PDZD2: variants seen among roughly 807,000 people sequenced by gnomAD.
PDZD2 encodes PDZ domain containing 2, also known as PDZ domain-containing protein 2.
PDZD2 carries 90 observed loss-of-function variants against 220.7 expected under a neutral mutation model. The observed-to-expected ratio is 0.41, with a 90% CI of 0.34 to 0.49. The LOEUF (loss-of-function observed/expected upper bound fraction) is 0.49, where lower values mean the gene tolerates loss of function less well. PDZD2 is among the 20% of genes least tolerant of loss of function. The pLI, the probability that PDZD2 is intolerant of heterozygous loss-of-function variation, is 0.28. For missense variants in PDZD2, 3,174 were observed against 3,608.5 expected, an observed-to-expected ratio of 0.88 and a Z score of 3.08; for synonymous variants, 1,375 against 1,450.5, an observed-to-expected ratio of 0.95 and a Z score of 1.18.
At chr5:31,702,482 G>A (rs763181405) in intron 1 of PDZD2, among the ~76,000 whole-genome samples, 8 of 152,174 alleles carry the variant, frequency 5.3e-5, no homozygotes, top group Admixed American at 1.3e-4. Flanking sequence ...ATGCATTGAC[G>A]ATGATGGATC....
chr5:31,770,907 A>G (rs1752303673), intron 1 of PDZD2, among the ~76,000 whole-genome samples: 1 of 150,174 alleles, frequency 6.7e-6, no homozygotes, highest in African/African-American at 2.4e-5. Context: ...TCTATTTTTC[A>G]TTTAAGTGCC....
At chr5:31,973,988 C>T (rs1749523135) in intron 2 of PDZD2, among the ~76,000 whole-genome samples, 1 of 152,126 alleles carries the variant, frequency 6.6e-6, no homozygotes, top group Non-Finnish European at 1.5e-5. Flanking sequence ...TGTTTTGTTT[C>T]ATTTTGTTTT....
At chr5:31,652,430 A>C (rs1263577943) in intron 1 of PDZD2, among the ~76,000 whole-genome samples, 1 of 152,218 alleles carries the variant, frequency 6.6e-6, no homozygotes, top group Non-Finnish European at 1.5e-5. Context: ...GGAAACTATG[A>C]AAGCTCAGCA....
At chr5:32,106,744 A>G (rs1744800615) in intron 24 of PDZD2, among the ~76,000 whole-genome samples, 1 of 152,214 alleles carries the variant, frequency 6.6e-6, no homozygotes, top group Non-Finnish European at 1.5e-5. Context: ...ATATGCTAGA[A>G]TAGGACATTG....
intron 24 of PDZD2, chr5:32,105,979 G>A (rs1744725999): frequency 6.6e-6 from 1 of 152,260 alleles, no homozygotes; most frequent in African/African-American, 2.4e-5. Context: ...TTGGCACCAG[G>A]GACTGGTTTT....
At chr5:32,071,242 A>T in intron 15 of PDZD2, 142 bp from the exon 16 acceptor site, 1 of 732,502 alleles carries the variant, frequency 1.4e-6, no homozygotes, top group South Asian at 1.6e-5. Flanking sequence ...ATGCACGTCT[A>T]ACCCTGTGCA....
intron 2 of PDZD2, among the ~76,000 whole-genome samples, chr5:31,896,490 T>G (rs1278824918): frequency 1.3e-5 from 2 of 152,196 alleles, no homozygotes; most frequent in African/African-American, 4.8e-5. Flanking sequence ...CAGATAGAAT[T>G]CATCCGCTCA....
chr5:31,914,236 A>G (rs1743469813), intron 2 of PDZD2, among the ~76,000 whole-genome samples: 1 of 152,238 alleles, frequency 6.6e-6, no homozygotes, highest in Non-Finnish European at 1.5e-5. Context: ...AGTCATACTC[A>G]AGATTCTGAT....
At chr5:31,710,830 A>G (rs1748062527) in intron 1 of PDZD2, among the ~76,000 whole-genome samples, 1 of 152,186 alleles carries the variant, frequency 6.6e-6, no homozygotes, top group African/African-American at 2.4e-5. Context: ...AAAAAAAAAA[A>G]AAAGAGTAGA....
intron 2 of PDZD2, chr5:31,840,684 T>C: frequency 1.3e-6 from 1 of 751,074 alleles, no homozygotes; most frequent in Admixed American, 1.8e-5. Flanking sequence ...CTTAGAGTGC[T>C]TAATGTGCTC....
At chr5:31,824,619 G>C (rs186960125) in intron 2 of PDZD2, among the ~76,000 whole-genome samples, 1 of 151,750 alleles carries the variant, frequency 6.6e-6, no homozygotes, top group Non-Finnish European at 1.5e-5. Flanking sequence ...GGGTGTTCAC[G>C]GCCGTGTGTG....
At chr5:31,980,750 T>C (rs1485021292) in intron 2 of PDZD2, among the ~76,000 whole-genome samples, 1 of 151,806 alleles carries the variant, frequency 6.6e-6, no homozygotes, top group African/African-American at 2.4e-5. Context: ...GAGAGACAGG[T>C]TCAATTTTTA....
In PDZD2 at chr5:32,088,086, G is replaced by A. The variant is rs768885417; in HGVS notation, c.4638G>A (p.Pro1546=). The A allele has an allele frequency of 6.1e-5, 98 of 1,613,856 alleles. No individual in the cohort carries two copies. The highest frequency in any genetic ancestry group is 8.1e-5 in the Non-Finnish European group (95 of 1,179,840). ...SLSGLGDSTE[P]SLSSMYGDAE... ...CAGGCCTGGGTGACAGCACGGAGCC[G>A]TCTCTGTCATCCATGTATGGCGATG... Residue 1546 remains proline, a synonymous_variant, in exon 20 of 25, where the codon CCG becomes CCA. Transcript: ENST00000438447. This position sits in a 1 kb window ranked among gnomAD's most constrained non-coding sequence, Gnocchi z 4.6.
chr5:31,663,207 C>G (rs547838709), intron 1 of PDZD2, among the ~76,000 whole-genome samples: 3 of 152,298 alleles, frequency 2.0e-5, no homozygotes, highest in African/African-American at 7.2e-5. Context: ...AAAAGACTTG[C>G]AAGGCATGAA....
At chr5:31,857,170 C>G (rs2150307274) in intron 2 of PDZD2, among the ~76,000 whole-genome samples, 1 of 152,110 alleles carries the variant, frequency 6.6e-6, no homozygotes, top group South Asian at 2.1e-4. Flanking sequence ...ACTTCTGTGC[C>G]CCAGAGACAA....
At chr5:31,642,868 G>A (rs897475299) in intron 1 of PDZD2, among the ~76,000 whole-genome samples, 5 of 152,284 alleles carry the variant, frequency 3.3e-5, no homozygotes, top group South Asian at 4.1e-4. Context: ...AAAGGGCTGC[G>A]GTACTGCTGC....
At chr5:32,049,220 G>A (rs1391204903) in intron 8 of PDZD2, among the ~76,000 whole-genome samples, 2 of 152,174 alleles carry the variant, frequency 1.3e-5, no homozygotes, top group African/African-American at 4.8e-5. Context: ...CTGAGATCCG[G>A]ACTCCACAGC....
intron 3 of PDZD2, among the ~76,000 whole-genome samples, 176 bp downstream of exon 3, chr5:31,983,832 G>A (rs1750502852): frequency 6.6e-6 from 1 of 152,214 alleles, no homozygotes; most frequent in South Asian, 2.1e-4. Context: ...ACCTCGCATT[G>A]AGAAGCCAAC....
At chr5:31,684,300 A>G (rs1746764491) in intron 1 of PDZD2, among the ~76,000 whole-genome samples, 3 of 152,096 alleles carry the variant, frequency 2.0e-5, no homozygotes, top group African/African-American at 7.2e-5. Flanking sequence ...TTCTTGATTG[A>G]TGGTGCCATC....
Sources: allele counts gnomAD v4.1 joint callset (sites outside exome capture counted in the v4.1 genomes callset), GRCh38; gene constraint gnomAD v4.1.1; non-coding constraint Gnocchi (gnomAD v3.1); transcripts MANE v1.5; gene names NCBI Gene and HGNC (gene_info 2026-07-23, HGNC 2026-07-21).